Variants in MCPH1 observed in about 807,000 individuals in gnomAD.
MCPH1 encodes microcephalin 1, also known as microcephalin.
In MCPH1, 104 loss-of-function variants were observed where a neutral mutation model predicts 84.5. That is an observed-to-expected ratio of 1.23 (90% CI 1.05 to 1.45). The LOEUF (loss-of-function observed/expected upper bound fraction) is 1.45, where lower values mean the gene tolerates loss of function less well. MCPH1 is among the 40% of genes most tolerant of loss of function. The pLI is 0.00. For synonymous variants in MCPH1, 514 were observed against 366.8 expected, an observed-to-expected ratio of 1.40 and a Z score of -4.58; for missense variants, 1,498 against 1,005.7, an observed-to-expected ratio of 1.49 and a Z score of -6.62.
intron 12 of MCPH1, among the ~76,000 whole-genome samples, chr8:6,601,176 G>C (rs1314870392): frequency 1.3e-5 from 2 of 152,184 alleles, no homozygotes; most frequent in Non-Finnish European, 2.9e-5. Flanking sequence ...CACCTGGGCA[G>C]CTGCACTTTC....
Position 6,643,869 on chromosome 8 carries a change from A to G in MCPH1, c.*820A>G, listed in dbSNP as rs1798086096. On this transcript the variant is annotated 3_prime_UTR_variant, in exon 14 of 14. Transcript: ENST00000344683. ...AAGCCTGCTTTATGGTGAGCAAAGC[A>G]TCACCAGCAAGTGATCACAATGTCC... 6.6e-6 allele frequency: 1 copy of G among 152,226 alleles called. No homozygotes were observed. Among genetic ancestry groups the G allele is most frequent in the Non-Finnish European group, 1.5e-5 (1 of 68,064 alleles). The allele number at this position is 152,226 out of a possible 1,614,324, so 9.4% of individuals were successfully genotyped here. A position where few individuals can be genotyped will look rare whatever the true frequency, so the allele number is the denominator to read the frequency against.
chr8:6,554,275 T>C (rs1449179902), intron 12 of MCPH1, among the ~76,000 whole-genome samples: 1 of 148,558 alleles, frequency 6.7e-6, no homozygotes, highest in African/African-American at 2.5e-5. Context: ...AATTGAGAAA[T>C]AGACCCTACA....
At chr8:6,533,378 T>A (rs1819896729) in intron 12 of MCPH1, among the ~76,000 whole-genome samples, 1 of 152,216 alleles carries the variant, frequency 6.6e-6, no homozygotes, top group Non-Finnish European at 1.5e-5. Flanking sequence ...CCTTTGGGCT[T>A]GGAGCCAGGG....
chr8:6,532,265 T>C (rs1767671997), intron 12 of MCPH1: 2 of 1,586,668 alleles, frequency 1.3e-6, no homozygotes, highest in Admixed American at 3.5e-5. Context: ...TTGAGGAAGC[T>C]CCTGACGCGA....
intron 13 of MCPH1, among the ~76,000 whole-genome samples, chr8:6,634,248 C>A (rs539123580): frequency 2.8e-4 from 43 of 152,336 alleles, no homozygotes; most frequent in African/African-American, 9.9e-4. Context: ...GAATATTCAA[C>A]AGGCTGGTTG....
At chr8:6,543,421 C>G (rs1821962589) in intron 12 of MCPH1, among the ~76,000 whole-genome samples, 1 of 152,170 alleles carries the variant, frequency 6.6e-6, no homozygotes, top group Non-Finnish European at 1.5e-5. Flanking sequence ...TAAATGGATG[C>G]AAACACACAT....
At position 6,622,063 on chromosome 8, in the gene MCPH1, G is replaced by A. The variant is rs138206916; in HGVS notation, c.2452+372G>A. 1.2e-3 allele frequency: 424 copies of A among 363,356 alleles called. 2 individuals carry two copies. Among genetic ancestry groups the A allele is most frequent in the African/African-American group, 8.2e-3 (392 of 47,518 alleles). 22.5% of individuals were successfully genotyped at this position (363,356 alleles called of 1,614,324 possible). On this transcript the variant is annotated intron_variant, in intron 13 of 13. Coordinates refer to ENST00000344683, the MANE Select transcript of MCPH1 (RefSeq NM_024596.5). The stretch of plus-strand genomic sequence containing the variant: ...TCCTTGTCCTGCTTCAGGAGTCCCT[G>A]GCAGCGCCCGGCACTGGGGCCCAAG...
chr8:6,467,873 T>C (rs112468082), intron 9 of MCPH1, among the ~76,000 whole-genome samples: 2,190 of 152,258 alleles, frequency 0.014, 57 homozygotes, highest in African/African-American at 0.051. Context: ...GCTGGGATTA[T>C]AGGCATGAAC....
intron 9 of MCPH1, among the ~76,000 whole-genome samples, chr8:6,469,727 C>T (rs1807463763): frequency 6.6e-6 from 1 of 152,190 alleles, no homozygotes; most frequent in Non-Finnish European, 1.5e-5. Context: ...CTATTTATCA[C>T]TAATAAAACG....
chr8:6,443,253 T>G (rs1343091226), intron 7 of MCPH1, among the ~76,000 whole-genome samples: 1 of 152,226 alleles, frequency 6.6e-6, no homozygotes, highest in East Asian at 1.9e-4. Context: ...CATCACAGAT[T>G]ACACTCTTAG....
At chr8:6,566,227 C>T (rs1446383114) in intron 12 of MCPH1, among the ~76,000 whole-genome samples, 4 of 152,240 alleles carry the variant, frequency 2.6e-5, no homozygotes, top group Non-Finnish European at 5.9e-5. Context: ...AGCTCATAGG[C>T]TGTTAGAAAC....
chr8:6,487,307 G>T (rs373293882), intron 11 of MCPH1, among the ~76,000 whole-genome samples: 4 of 152,198 alleles, frequency 2.6e-5, no homozygotes, highest in Admixed American at 6.5e-5. Context: ...TTAGTAAGCA[G>T]TGAGTCAGAT....
chr8:6,487,004 A>G (rs922318703), intron 11 of MCPH1, among the ~76,000 whole-genome samples: 1 of 152,214 alleles, frequency 6.6e-6, no homozygotes, highest in Non-Finnish European at 1.5e-5. Context: ...CCTGTGATTC[A>G]GTCTTCCCTT....
At chr8:6,575,942 A>G (rs1031137885) in intron 12 of MCPH1, among the ~76,000 whole-genome samples, 2 of 151,362 alleles carry the variant, frequency 1.3e-5, no homozygotes, top group Non-Finnish European at 2.9e-5. Context: ...CCTGCCCCAC[A>G]CCTTCACCTC....
intron 3 of MCPH1, among the ~76,000 whole-genome samples, chr8:6,424,322 G>A (rs1054978191): frequency 6.6e-6 from 1 of 152,192 alleles, no homozygotes; most frequent in Non-Finnish European, 1.5e-5. Context: ...CGGTTCACAG[G>A]CTTTGTCCTT....
intron 12 of MCPH1, among the ~76,000 whole-genome samples, chr8:6,541,109 G>A (rs1821478293): frequency 6.6e-6 from 1 of 152,212 alleles, no homozygotes; most frequent in African/African-American, 2.4e-5. Context: ...TTGTGGGAAG[G>A]CCTGAGGCAA....
chr8:6,487,444 C>T (rs1375254023), intron 11 of MCPH1, among the ~76,000 whole-genome samples: 1 of 152,214 alleles, frequency 6.6e-6, no homozygotes, highest in Non-Finnish European at 1.5e-5. Flanking sequence ...AAAATTATAA[C>T]TCATGGGAGA....
chr8:6,541,328 C>G (rs1310607814), intron 12 of MCPH1, among the ~76,000 whole-genome samples: 1 of 152,140 alleles, frequency 6.6e-6, no homozygotes, highest in East Asian at 1.9e-4. Flanking sequence ...TGGGCAGTGG[C>G]TAAAGACAGG....
intron 12 of MCPH1, among the ~76,000 whole-genome samples, chr8:6,584,959 T>C (rs1827851997): frequency 1.3e-5 from 2 of 152,254 alleles, no homozygotes; most frequent in South Asian, 4.1e-4. Flanking sequence ...TCCTGTTGAG[T>C]CGAATTGGCA....
Sources: gnomAD v4.1 joint callset for allele counts (sites outside exome capture counted in the v4.1 genomes callset) on GRCh38, gnomAD v4.1.1 for gene constraint, MANE v1.5 for transcripts, NCBI Gene and HGNC (gene_info 2026-07-23, HGNC 2026-07-21) for gene names.